RRAS2: variants seen among roughly 807,000 people sequenced by gnomAD.
RRAS2 encodes the protein RAS related 2.
RRAS2 carries 7 observed loss-of-function variants against 27.6 expected under a neutral mutation model. That is an observed-to-expected ratio of 0.25 (90% CI 0.14 to 0.48). The LOEUF is 0.48. Ranked by LOEUF, RRAS2 falls within the 20% of genes least tolerant of loss-of-function variation. The pLI, the probability that RRAS2 is intolerant of heterozygous loss-of-function variation, is 0.99. For synonymous variants in RRAS2, 86 were observed against 90.9 expected (o/e 0.95, Z 0.31); for missense variants, 178 against 256.2 (o/e 0.69, Z 2.08).
At chr11:14,339,987 T>C (rs1455747380) in intron 1 of RRAS2, among the ~76,000 whole-genome samples, 1 of 151,506 alleles carries the variant, frequency 6.6e-6, no homozygotes, top group African/African-American at 2.4e-5. Context: ...GGTGTGGTGG[T>C]GCAGGCCAGT....
intron 1 of RRAS2, among the ~76,000 whole-genome samples, chr11:14,328,060 G>A (rs1243536943): frequency 6.6e-6 from 1 of 152,082 alleles, no homozygotes; most frequent in African/African-American, 2.4e-5. Context: ...AAGTACATAA[G>A]GCTAACAGTA....
chr11:14,347,612 A>C lies in RRAS2; in HGVS notation c.108+11151T>G, dbSNP rs2134031460. On this transcript the variant is annotated intron_variant, in intron 1 of 5. Coordinates refer to ENST00000256196, the MANE Select transcript of RRAS2 (RefSeq NM_012250.6). ...AGACAGGAGGATCACTTGAGGCCAG[A>C]AGTTCAAGACCAGCCTGGGCAACAT... is the stretch of plus-strand genomic sequence containing the variant. 2.0e-5 allele frequency among the ~76,000 whole-genome samples: 3 copies of C among 152,148 alleles called. No homozygotes were observed. The South Asian group carries it at 6.2e-4, about 32-fold the overall frequency.
At chr11:14,311,375 C>G (rs1038731502) in intron 1 of RRAS2, among the ~76,000 whole-genome samples, 4 of 152,104 alleles carry the variant, frequency 2.6e-5, no homozygotes, top group Admixed American at 6.5e-5. Context: ...TAAAAAAGTA[C>G]TTTATTTTAT....
At chr11:14,363,494 C>T (rs968414025), upstream of RRAS2, among the ~76,000 whole-genome samples, 2 of 152,172 alleles carry the variant, frequency 1.3e-5, no homozygotes, top group Admixed American at 6.5e-5. Context: ...GATGGCCGGG[C>T]GCAGTGGCTC....
At chr11:14,308,723 G>A (rs1181636776) in intron 1 of RRAS2, among the ~76,000 whole-genome samples, 1 of 152,154 alleles carries the variant, frequency 6.6e-6, no homozygotes, top group Non-Finnish European at 1.5e-5. Context: ...ACACTTTCAA[G>A]AGTTTTTTAC....
At chr11:14,337,583 T>C (rs1848613249) in intron 1 of RRAS2, among the ~76,000 whole-genome samples, 1 of 152,220 alleles carries the variant, frequency 6.6e-6, no homozygotes, top group Non-Finnish European at 1.5e-5. Context: ...TATTGTAGTA[T>C]ATGGTTGTAA....
rs146400093 is a variant in RRAS2, at chr11:14,324,147, G to T, written c.109-28292C>A. ...TATACAAATTTTTAAGAATATATTT[G>T]ATATGATTATCTGCACAGGAAACAA... On this transcript the variant is annotated intron_variant, in intron 1 of 5. Coordinates refer to ENST00000256196, the MANE Select transcript of RRAS2 (RefSeq NM_012250.6). 1.1e-3 allele frequency among the ~76,000 whole-genome samples: 168 copies of T among 151,852 alleles called. 1 individual carries two copies. In the Middle Eastern group the frequency reaches 0.027, roughly 25 times the overall value.
intron 4 of RRAS2, among the ~76,000 whole-genome samples, chr11:14,292,106 T>C (rs1847409475): frequency 6.6e-6 from 1 of 152,202 alleles, no homozygotes; most frequent in Non-Finnish European, 1.5e-5. Context: ...TCAAAAAGTT[T>C]CAGATTTTGG....
intron 1 of RRAS2, among the ~76,000 whole-genome samples, chr11:14,312,423 G>GT (rs1847992998): frequency 6.6e-6 from 1 of 152,014 alleles, no homozygotes; most frequent in African/African-American, 2.4e-5. Flanking sequence ...TTTTTTGTTT[G>GT]TTTTTTGTTA....
chr11:14,352,227 T>C (rs1300284309), intron 1 of RRAS2, among the ~76,000 whole-genome samples: 1 of 152,218 alleles, frequency 6.6e-6, no homozygotes, highest in African/African-American at 2.4e-5. Flanking sequence ...ATTAAACTGT[T>C]AGTATATACC....
At chr11:14,312,039 A>AT (rs1468059719) in intron 1 of RRAS2, among the ~76,000 whole-genome samples, 1 of 151,838 alleles carries the variant, frequency 6.6e-6, no homozygotes, top group African/African-American at 2.4e-5. Flanking sequence ...TAATTTTTGT[A>AT]TTTTTAGTAG....
At chr11:14,337,874 T>C (rs1299472243) in intron 1 of RRAS2, among the ~76,000 whole-genome samples, 2 of 152,098 alleles carry the variant, frequency 1.3e-5, no homozygotes, top group African/African-American at 4.8e-5. Context: ...AGAGAATGTA[T>C]TGCCAGAAGG....
intron 1 of RRAS2, among the ~76,000 whole-genome samples, chr11:14,298,617 G>T (rs1449440899): frequency 6.6e-6 from 1 of 152,104 alleles, no homozygotes; most frequent in African/African-American, 2.4e-5. Flanking sequence ...TCATTGTTGG[G>T]ATTTTTGGAT....
At chr11:14,329,005 GTGTGTGTATATA>G (rs1395458014) in intron 1 of RRAS2, among the ~76,000 whole-genome samples, 7 of 55,422 alleles carry the variant, frequency 1.3e-4, no homozygotes, top group Admixed American at 2.5e-4. Flanking sequence ...GTGTGTGTGT[GTGTGTGTATATA>G]TATATATATA....
At chr11:14,351,861 C>G (rs1257347472) in intron 1 of RRAS2, among the ~76,000 whole-genome samples, 3 of 146,258 alleles carry the variant, frequency 2.1e-5, no homozygotes, top group African/African-American at 7.6e-5. Context: ...TGCCACTGCA[C>G]TCCAGCCTGG....
At chr11:14,343,826 C>T (rs1183191834) in intron 1 of RRAS2, among the ~76,000 whole-genome samples, 1 of 150,688 alleles carries the variant, frequency 6.6e-6, no homozygotes, top group Non-Finnish European at 1.5e-5. Flanking sequence ...AGAGTGAGAC[C>T]CTGTCTCAAA....
At position 14,279,918 on chromosome 11, in the gene RRAS2, G is replaced by A. The variant is rs565596645; in HGVS notation, c.528-494C>T. On this transcript the variant is annotated intron_variant, in intron 5 of 5. Transcript: ENST00000256196. The stretch of plus-strand genomic sequence containing the variant: ...TTGTGAGGATTAAAGATCTTGTGAT[G>A]TTAGAATATATCTAATAGCTCCTGG... 1.2e-4 allele frequency among the ~76,000 whole-genome samples: 19 copies of A among 152,262 alleles called. No individual in the cohort carries two copies. In the South Asian group the frequency reaches 3.9e-3, roughly 32 times the overall value.
intron 1 of RRAS2, among the ~76,000 whole-genome samples, chr11:14,353,594 CAA>C (rs79109765): frequency 1.8e-4 from 22 of 121,594 alleles, no homozygotes; most frequent in South Asian, 5.5e-4. Flanking sequence ...AACTTCGTCT[CAA>C]AAAAAAAAAA....
chr11:14,317,619 A>G (rs1434613002), intron 1 of RRAS2, among the ~76,000 whole-genome samples: 1 of 152,216 alleles, frequency 6.6e-6, no homozygotes, highest in African/African-American at 2.4e-5. Context: ...ATGAATTCAT[A>G]TTGACATTTC....
Sources: gnomAD v4.1 joint callset for allele counts (sites outside exome capture counted in the v4.1 genomes callset) on GRCh38, gnomAD v4.1.1 for gene constraint, MANE v1.5 for transcripts, NCBI Gene and HGNC (gene_info 2026-07-23, HGNC 2026-07-21) for gene names.